CSMD1: variants seen among roughly 807,000 people sequenced by gnomAD.
The protein encoded by CSMD1 is CUB and Sushi multiple domains 1.
A neutral mutation model predicts 417.5 loss-of-function variants in CSMD1; 213 were observed. The ratio of observed to expected loss-of-function variants is 0.51; its 90% CI spans 0.46 to 0.57. CSMD1 has a LOEUF of 0.57. Among genes scored for constraint, CSMD1 ranks in the 20% least tolerant of loss-of-function variants. The pLI is 0.00. For synonymous variants in CSMD1, 2,862 were observed against 1,736.8 expected (o/e 1.65, Z -16.11); for missense variants, 6,923 against 4,529.7 (o/e 1.53, Z -15.17).
chr8:4,313,096 C>G (rs1180021055), intron 3 of CSMD1, among the ~76,000 whole-genome samples: 1 of 152,048 alleles, frequency 6.6e-6, no homozygotes, highest in East Asian at 1.9e-4. Flanking sequence ...AATATAGAAA[C>G]ACAACATTCT....
intron 4 of CSMD1, among the ~76,000 whole-genome samples, chr8:4,030,093 A>C (rs968944215): frequency 7.2e-5 from 11 of 152,174 alleles, no homozygotes; most frequent in African/African-American, 2.7e-4. Context: ...GGATGCTTTC[A>C]TGGGCTGCTG....
intron 12 of CSMD1, among the ~76,000 whole-genome samples, chr8:3,433,157 G>C (rs1215120424): frequency 6.6e-6 from 1 of 152,216 alleles, no homozygotes; most frequent in Non-Finnish European, 1.5e-5. Flanking sequence ...GTGGGATTCT[G>C]AAGAAACAAT....
At chr8:4,242,362 A>G (rs1308573666) in intron 3 of CSMD1, among the ~76,000 whole-genome samples, 2 of 152,172 alleles carry the variant, frequency 1.3e-5, no homozygotes, top group Non-Finnish European at 2.9e-5. Context: ...TAAGTAATCA[A>G]AGAGCTGTAA....
intron 3 of CSMD1, among the ~76,000 whole-genome samples, chr8:4,130,720 G>T (rs1004445226): frequency 8.3e-6 from 1 of 121,192 alleles, no homozygotes. Flanking sequence ...ACACATGAAA[G>T]TATTTTGTCT....
intron 65 of CSMD1, among the ~76,000 whole-genome samples, chr8:2,952,762 A>G (rs957558365): frequency 2.6e-5 from 4 of 152,194 alleles, no homozygotes; most frequent in Admixed American, 2.6e-4. Flanking sequence ...ACTTAAGTTA[A>G]TCTTGTTGAA....
intron 1 of CSMD1, among the ~76,000 whole-genome samples, chr8:4,649,392 A>G (rs550348120): frequency 7.9e-5 from 12 of 152,322 alleles, no homozygotes; most frequent in African/African-American, 2.9e-4. Flanking sequence ...AATGATCTTG[A>G]AAGACAGGCA....
chr8:4,335,217 C>T (rs1048944184), intron 3 of CSMD1, among the ~76,000 whole-genome samples: 2 of 152,010 alleles, frequency 1.3e-5, no homozygotes, highest in Non-Finnish European at 2.9e-5. Context: ...GCTCTCTTTT[C>T]TATGGATACT....
At chr8:3,194,694 TC>T (rs1353439297) in intron 33 of CSMD1, among the ~76,000 whole-genome samples, 5 of 151,452 alleles carry the variant, frequency 3.3e-5, no homozygotes, top group Non-Finnish European at 5.9e-5. Flanking sequence ...GGTCTCAAAC[TC>T]CTGAGCTCAG....
At chr8:4,125,204 G>T (rs1585368648) in intron 3 of CSMD1, among the ~76,000 whole-genome samples, 1 of 152,058 alleles carries the variant, frequency 6.6e-6, no homozygotes, top group African/African-American at 2.4e-5. Flanking sequence ...TAAACTAAAG[G>T]GAAAGGTCGA....
intron 37 of CSMD1, among the ~76,000 whole-genome samples, chr8:3,167,270 C>G (rs1291327988): frequency 3.1e-5 from 4 of 129,790 alleles, no homozygotes; most frequent in African/African-American, 5.8e-5. Flanking sequence ...AGTGACAGAG[C>G]AAGACTCCAA....
chr8:4,468,559 A>T (rs1207993331), intron 2 of CSMD1, among the ~76,000 whole-genome samples: 1 of 152,100 alleles, frequency 6.6e-6, no homozygotes, highest in Non-Finnish European at 1.5e-5. Context: ...TCCCCAGCTA[A>T]ATCCTCCTTC....
chr8:2,975,428 G>T (rs999371180), intron 55 of CSMD1, among the ~76,000 whole-genome samples: 6 of 152,144 alleles, frequency 3.9e-5, no homozygotes, highest in African/African-American at 1.4e-4. Context: ...ATTACTCAAA[G>T]GCGACTGCTT....
At chr8:3,078,005 T>A (rs1471095217) in intron 49 of CSMD1, among the ~76,000 whole-genome samples, 1 of 152,222 alleles carries the variant, frequency 6.6e-6, no homozygotes, top group Non-Finnish European at 1.5e-5. Flanking sequence ...CCTCACACGA[T>A]CCCTTTGTTT....
chr8:3,188,836 C>T (rs1796244997), intron 35 of CSMD1, 51 bp downstream of exon 35: 2 of 1,402,562 alleles, frequency 1.4e-6, no homozygotes, highest in South Asian at 3.5e-5. Context: ...AGAAAGAAGC[C>T]CATGGACCCC....
intron 2 of CSMD1, among the ~76,000 whole-genome samples, chr8:4,571,107 T>A (rs1301232384): frequency 1.3e-5 from 2 of 152,186 alleles, no homozygotes; most frequent in African/African-American, 2.4e-5. Flanking sequence ...CTGGATTCAC[T>A]GAGGTTTTGA....
At chr8:3,354,415 T>A (rs1808606793) in intron 21 of CSMD1, among the ~76,000 whole-genome samples, 1 of 151,472 alleles carries the variant, frequency 6.6e-6, no homozygotes, top group Non-Finnish European at 1.5e-5. Flanking sequence ...TTAGAAGCTT[T>A]ATTTTAAAAG....
chr8:4,716,196 A>G (rs920711644), intron 1 of CSMD1, among the ~76,000 whole-genome samples: 2 of 152,174 alleles, frequency 1.3e-5, no homozygotes, highest in Admixed American at 1.3e-4. Flanking sequence ...GCGCCACCCA[A>G]TGGGGACTGC....
intron 26 of CSMD1, among the ~76,000 whole-genome samples, chr8:3,231,111 C>A (rs1254001404): frequency 5.9e-5 from 9 of 152,178 alleles, no homozygotes; most frequent in African/African-American, 1.9e-4. Context: ...TATCCCCCAT[C>A]ACTCTAAAAT....
chr8:3,784,342 G>T (rs1018435959), intron 5 of CSMD1, among the ~76,000 whole-genome samples: 1 of 152,096 alleles, frequency 6.6e-6, no homozygotes, highest in Non-Finnish European at 1.5e-5. Flanking sequence ...ATTAAAAGTT[G>T]TTCTATTGAA....
Sources: allele counts gnomAD v4.1 joint callset (sites outside exome capture counted in the v4.1 genomes callset), GRCh38; gene constraint gnomAD v4.1.1; transcripts MANE v1.5; gene names NCBI Gene and HGNC (gene_info 2026-07-23, HGNC 2026-07-21).